PABPC4L: variants seen among roughly 807,000 people sequenced by gnomAD.
PABPC4L encodes the protein poly(A) binding protein cytoplasmic 4 like, also known as polyadenylate-binding protein 4-like.
For synonymous variants in PABPC4L, 169 were observed against 164.1 expected (o/e 1.03, Z -0.23); for missense variants, 452 against 451.4 (o/e 1.00, Z -0.01).
chr4:134,006,373 A>C, the PABPC4L span, among the ~76,000 whole-genome samples: 1 of 151,928 alleles, frequency 6.6e-6, no homozygotes, highest in Non-Finnish European at 1.5e-5. Context: ...CTTGGTAACA[A>C]GGTTAATGAC....
chr4:134,079,705 G>C, the PABPC4L span, among the ~76,000 whole-genome samples: 1 of 151,438 alleles, frequency 6.6e-6, no homozygotes, highest in Non-Finnish European at 1.5e-5. Flanking sequence ...GTGAGAGAGA[G>C]AGAGAGAGAA....
chr4:134,189,107 G>C, the PABPC4L span, among the ~76,000 whole-genome samples: 4 of 151,922 alleles, frequency 2.6e-5, 1 homozygote, highest in Non-Finnish European at 5.9e-5. Context: ...CTTCATTTCT[G>C]TTACAGTGTT....
the PABPC4L span, among the ~76,000 whole-genome samples, chr4:133,962,421 G>T: frequency 6.6e-6 from 1 of 152,184 alleles, no homozygotes; most frequent in Non-Finnish European, 1.5e-5. Context: ...CAAGGGAATA[G>T]ATAGCATAAA....
At chr4:134,043,537 G>A in the PABPC4L span, among the ~76,000 whole-genome samples, 1 of 152,042 alleles carries the variant, frequency 6.6e-6, no homozygotes, top group Non-Finnish European at 1.5e-5. Flanking sequence ...TTATATTATT[G>A]CACCAACCTA....
At chr4:134,046,146 T>C in the PABPC4L span, among the ~76,000 whole-genome samples, 2 of 152,088 alleles carry the variant, frequency 1.3e-5, no homozygotes, top group Non-Finnish European at 2.9e-5. Context: ...CACCAGTCTC[T>C]GAGTTCCCTC....
At chr4:133,959,871 T>C in the PABPC4L span, among the ~76,000 whole-genome samples, 1 of 152,230 alleles carries the variant, frequency 6.6e-6, no homozygotes, top group Admixed American at 6.5e-5. Context: ...AGGTGAGAAG[T>C]TCATTTTCAT....
chr4:134,100,577 G>C, the PABPC4L span, among the ~76,000 whole-genome samples: 1 of 151,516 alleles, frequency 6.6e-6, no homozygotes, highest in East Asian at 1.9e-4. Flanking sequence ...CACATATTCT[G>C]TTTTTGTAAA....
the PABPC4L span, among the ~76,000 whole-genome samples, chr4:134,164,048 G>A: frequency 6.6e-6 from 1 of 151,518 alleles, no homozygotes; most frequent in Non-Finnish European, 1.5e-5. Flanking sequence ...CGGATCACGA[G>A]GTCAGGAGAT....
chr4:134,013,229 G>A, the PABPC4L span, among the ~76,000 whole-genome samples: 1 of 151,734 alleles, frequency 6.6e-6, no homozygotes, highest in Non-Finnish European at 1.5e-5. Flanking sequence ...GGGAGGGGCA[G>A]GAACCCCGAC....
the PABPC4L span, among the ~76,000 whole-genome samples, chr4:134,024,153 G>T: frequency 6.6e-6 from 1 of 152,000 alleles, no homozygotes; most frequent in South Asian, 2.1e-4. Context: ...TTCTCCAGGT[G>T]CATTTTTCAA....
the PABPC4L span, among the ~76,000 whole-genome samples, chr4:133,991,740 A>G: frequency 1.3e-5 from 2 of 152,194 alleles, no homozygotes; most frequent in Non-Finnish European, 2.9e-5. Flanking sequence ...GAACCTTGCC[A>G]GTTGCGTGTT....
the PABPC4L span, among the ~76,000 whole-genome samples, chr4:134,104,682 G>A: frequency 3.3e-5 from 5 of 151,482 alleles, no homozygotes; most frequent in African/African-American, 4.8e-5. Flanking sequence ...ATATTTTCAC[G>A]TCCCTTTAGT....
the PABPC4L span, among the ~76,000 whole-genome samples, chr4:134,020,099 G>A: frequency 6.6e-6 from 1 of 152,080 alleles, no homozygotes; most frequent in Non-Finnish European, 1.5e-5. Context: ...TACAGGAAAG[G>A]AGTCCCTACC....
At chr4:134,181,318 T>A in the PABPC4L span, among the ~76,000 whole-genome samples, 1 of 151,836 alleles carries the variant, frequency 6.6e-6, no homozygotes, top group Non-Finnish European at 1.5e-5. Context: ...TAAAATTTAA[T>A]ATCCCTTTAT....
At chr4:134,166,152 G>C in the PABPC4L span, among the ~76,000 whole-genome samples, 1 of 152,046 alleles carries the variant, frequency 6.6e-6, no homozygotes, top group Non-Finnish European at 1.5e-5. Context: ...GTGAGGTGAG[G>C]ATTAAAAACC....
At chr4:134,073,840 C>T in the PABPC4L span, among the ~76,000 whole-genome samples, 2 of 152,124 alleles carry the variant, frequency 1.3e-5, no homozygotes, top group Admixed American at 6.5e-5. Context: ...TACATTGGGC[C>T]ATTTTAGCCA....
the PABPC4L span, among the ~76,000 whole-genome samples, chr4:133,964,651 G>T: frequency 1.3e-5 from 2 of 151,834 alleles, no homozygotes. Flanking sequence ...CAGGGATGCA[G>T]GGATGGTTCA....
chr4:134,101,447 A>T, the PABPC4L span, among the ~76,000 whole-genome samples: 1 of 151,476 alleles, frequency 6.6e-6, no homozygotes, highest in Admixed American at 6.6e-5. Context: ...ATTCTGATGC[A>T]CGAAAGATGT....
chr4:134,021,533 A>G, the PABPC4L span, among the ~76,000 whole-genome samples: 124,443 of 152,128 alleles, frequency 0.82, 51,449 homozygotes, highest in East Asian at 1. Context: ...AGGAGCTCCA[A>G]TCAGTTTACA....
Sources: gnomAD v4.1 joint callset for allele counts (sites outside exome capture counted in the v4.1 genomes callset) on GRCh38, gnomAD v4.1.1 for gene constraint, MANE v1.5 for transcripts, NCBI Gene and HGNC (gene_info 2026-07-23, HGNC 2026-07-21) for gene names.